Variants in DMD observed in about 807,000 individuals in gnomAD.
DMD encodes dystrophin.
DMD carries 63 observed loss-of-function variants against 330.1 expected under a neutral mutation model. The observed-to-expected ratio is 0.19, with a 90% CI of 0.16 to 0.24. The LOEUF is 0.24. DMD is among the 10% of genes least tolerant of loss of function. DMD has a pLI of 1.00. For missense variants in DMD, 3,344 were observed against 2,684.1 expected (o/e 1.25, Z -5.43); for synonymous variants, 1,223 against 959.8 (o/e 1.27, Z -5.07).
At chrX:31,951,892 C>T (rs2095185619) in intron 45 of DMD, among the ~76,000 whole-genome samples, 1 of 111,377 alleles carries the variant, frequency 9.0e-6, no homozygotes, top group African/African-American at 3.2e-5. Context: ...TAAGTCAGGT[C>T]AGCTAGCAAG....
intron 11 of DMD, among the ~76,000 whole-genome samples, chrX:32,624,207 C>T (rs762595067): frequency 7.2e-5 from 8 of 111,576 alleles, no homozygotes; most frequent in African/African-American, 6.5e-5. Context: ...GTCATTTAGA[C>T]GGGAAAGTAA....
chrX:32,703,492 C>G (rs2064323273), intron 7 of DMD, among the ~76,000 whole-genome samples: 1 of 111,681 alleles, frequency 9.0e-6, no homozygotes, highest in Non-Finnish European at 1.9e-5. Flanking sequence ...ATCACTTATT[C>G]CATATGTGCT....
At chrX:31,341,891 G>GCGCGCGCGCGCGCGCA (rs374298104) in intron 61 of DMD, among the ~76,000 whole-genome samples, 3 of 98,876 alleles carry the variant, frequency 3.0e-5, no homozygotes, top group African/African-American at 1.1e-4. Context: ...GTGCGCGCGC[G>GCGCGCGCGCGCGCGCA]CACACACACA....
At chrX:32,486,208 A>T (rs1317024383) in intron 20 of DMD, among the ~76,000 whole-genome samples, 1 of 111,419 alleles carries the variant, frequency 9.0e-6, no homozygotes, top group Non-Finnish European at 1.9e-5. Context: ...GGCACCTGAA[A>T]TGTGGCTGGT....
At chrX:31,610,523 C>A (rs1603424470) in intron 55 of DMD, among the ~76,000 whole-genome samples, 1 of 112,072 alleles carries the variant, frequency 8.9e-6, no homozygotes, top group Non-Finnish European at 1.9e-5. Context: ...AACACACATA[C>A]ACATTCCAAA....
Position 31,591,122 on chromosome X carries a change from C to T in DMD, c.8217+36551G>A, listed in dbSNP as rs779100386. ...TAATTAATAACTTTTGTAACAATTA[C>T]ATGTTAAAATGACAATGTTTTGGGT... On this transcript the variant is annotated intron_variant, in intron 55 of 78. Transcript: ENST00000357033. Among the ~76,000 whole-genome samples the T allele has an allele frequency of 4.5e-5, 5 of 111,863 alleles. No individual in the cohort carries two copies. The East Asian group carries it at 1.4e-3, about 31-fold the overall frequency.
rs987413918 is a variant in DMD, at chrX:31,369,087, A to G, written c.9085-20453T>C. On this transcript the variant is annotated intron_variant, in intron 60 of 78. Coordinates refer to ENST00000357033, the MANE Select transcript of DMD (RefSeq NM_004006.3). ...AAAAACCAGAATCTGTGATGTTGAC[A>G]GTGGAAAGTCTACATCACTCATTAT... Among the ~76,000 whole-genome samples, 8 of 112,143 alleles carry G rather than the reference A, an allele frequency of 7.1e-5. No individual in the cohort carries two copies. The Admixed American group carries it at 7.6e-4, about 11-fold the overall frequency.
chrX:31,807,715 A>AAGGGGAAG (rs1199805753), intron 50 of DMD, among the ~76,000 whole-genome samples: 6 of 112,168 alleles, frequency 5.3e-5, no homozygotes, highest in African/African-American at 1.9e-4. Flanking sequence ...ACGGAAAAGA[A>AAGGGGAAG]AGGGGAAGAG....
intron 49 of DMD, among the ~76,000 whole-genome samples, chrX:31,828,739 A>C (rs1288396999): frequency 9.0e-6 from 1 of 110,676 alleles, no homozygotes; most frequent in African/African-American, 3.3e-5. Context: ...AGTAATTTAA[A>C]AATTGCCAAA....
intron 1 of DMD, among the ~76,000 whole-genome samples, chrX:33,228,229 G>A (rs751538735): frequency 1.8e-5 from 2 of 109,186 alleles, no homozygotes; most frequent in East Asian, 5.7e-4. Flanking sequence ...ATATTGAGAA[G>A]TATGATGTTA....
chrX:32,619,683 A>T (rs2057846070), intron 11 of DMD, among the ~76,000 whole-genome samples: 1 of 111,928 alleles, frequency 8.9e-6, no homozygotes, highest in Non-Finnish European at 1.9e-5. Context: ...TGGATGCTGC[A>T]TACTATTGGC....
chrX:31,130,424 T>C (rs2034332904), intron 77 of DMD, among the ~76,000 whole-genome samples: 2 of 111,831 alleles, frequency 1.8e-5, no homozygotes, highest in African/African-American at 3.2e-5. Context: ...ACAGATTAGA[T>C]AGAAATTGGC....
chrX:31,445,131 A>G (rs2065188815), intron 59 of DMD, among the ~76,000 whole-genome samples: 1 of 112,009 alleles, frequency 8.9e-6, no homozygotes, highest in Non-Finnish European at 1.9e-5. Context: ...ATAACAATGG[A>G]TATTTGTTAA....
At chrX:32,516,920 T>C (rs1019393818) in intron 18 of DMD, 16 of 112,112 alleles carry the variant, frequency 1.4e-4, no homozygotes, top group African/African-American at 5.2e-4. Flanking sequence ...TAATAAGTAA[T>C]TTAAAATAGC....
At chrX:33,217,051 ATATACT>A (rs1243455910) in intron 1 of DMD, among the ~76,000 whole-genome samples, 1 of 111,792 alleles carries the variant, frequency 8.9e-6, no homozygotes, top group African/African-American at 3.2e-5. Context: ...TTATTAGGTA[ATATACT>A]TATATAAAAT....
chrX:31,749,106 T>A (rs1403377461), intron 51 of DMD, among the ~76,000 whole-genome samples: 2 of 108,091 alleles, frequency 1.9e-5, no homozygotes, highest in Non-Finnish European at 3.8e-5. Flanking sequence ...AGGATAGCAT[T>A]TGTTTGTTTC....
intron 62 of DMD, among the ~76,000 whole-genome samples, chrX:31,303,453 CTG>C (rs760885375): frequency 1.6e-3 from 178 of 111,885 alleles, no homozygotes; most frequent in African/African-American, 5.5e-3. Context: ...GAATTACCAA[CTG>C]TGCATTGCCC....
At chrX:32,219,893 C>T (rs1249792130) in intron 43 of DMD, among the ~76,000 whole-genome samples, 1 of 112,037 alleles carries the variant, frequency 8.9e-6, no homozygotes, top group Non-Finnish European at 1.9e-5. Flanking sequence ...TTGCCATCCT[C>T]TATCAAATTC....
chrX:32,033,012 T>C (rs913596177), intron 44 of DMD, among the ~76,000 whole-genome samples: 1 of 112,249 alleles, frequency 8.9e-6, no homozygotes, highest in Non-Finnish European at 1.9e-5. Context: ...GATGAATAGA[T>C]AAATGTGGTA....
Sources: gnomAD v4.1 joint callset for allele counts (sites outside exome capture counted in the v4.1 genomes callset) on GRCh38, gnomAD v4.1.1 for gene constraint, MANE v1.5 for transcripts, NCBI Gene and HGNC (gene_info 2026-07-23, HGNC 2026-07-21) for gene names.